The following KLHL5 variants were observed in gnomAD, a reference collection of about 807,000 sequenced individuals.
KLHL5 encodes the protein kelch-like protein 5.
A neutral mutation model predicts 77.7 loss-of-function variants in KLHL5; 48 were observed. The ratio of observed to expected loss-of-function variants is 0.62; its 90% CI spans 0.49 to 0.79. The LOEUF is 0.79. KLHL5 is among the 30% of genes least tolerant of loss of function. The pLI is 0.00. For missense variants in KLHL5, 723 were observed against 859.7 expected (o/e 0.84, Z 1.99); for synonymous variants, 260 against 297.0 (o/e 0.88, Z 1.28).
At chr4:39,072,282 CT>C (rs1718548755) in intron 1 of KLHL5, among the ~76,000 whole-genome samples, 1 of 152,098 alleles carries the variant, frequency 6.6e-6, no homozygotes, top group Admixed American at 6.5e-5. Flanking sequence ...TGCACTAGGG[CT>C]GTGCATGCAT....
intron 5 of KLHL5, among the ~76,000 whole-genome samples, chr4:39,092,202 A>C (rs1720647413): frequency 6.6e-6 from 1 of 152,126 alleles, no homozygotes; most frequent in African/African-American, 2.4e-5. Flanking sequence ...TTCACCAAAA[A>C]TGCAGAGTTC....
chr4:39,126,595 C>T (rs1025026154), downstream of KLHL5: 25 of 377,594 alleles, frequency 6.6e-5, no homozygotes, highest in African/African-American at 4.9e-4. Context: ...CAGGGAAGCT[C>T]GGGAAGCAAA....
At chr4:39,053,392 A>G (rs1716795427) in intron 1 of KLHL5, among the ~76,000 whole-genome samples, 1 of 152,172 alleles carries the variant, frequency 6.6e-6, no homozygotes, top group South Asian at 2.1e-4. Context: ...AATCTCCATC[A>G]CCATAAAGCT....
the KLHL5 span, among the ~76,000 whole-genome samples, chr4:39,139,594 C>A: frequency 2.0e-4 from 30 of 152,050 alleles, no homozygotes; most frequent in Non-Finnish European, 3.8e-4. Flanking sequence ...ATGTAGCACT[C>A]TGGCGGGGGA....
At chr4:39,106,907 A>T (rs1213270781) in intron 7 of KLHL5, among the ~76,000 whole-genome samples, 1 of 27,046 alleles carries the variant, frequency 3.7e-5, no homozygotes, top group African/African-American at 8.8e-5. Context: ...CTGGCTAATT[A>T]AAAAAAAAAA....
chr4:39,108,931 T>A (rs767859614), intron 8 of KLHL5, among the ~76,000 whole-genome samples: 3 of 152,190 alleles, frequency 2.0e-5, no homozygotes, highest in Non-Finnish European at 4.4e-5. Flanking sequence ...TAGCTTAGAT[T>A]TCTAGGCATA....
intron 6 of KLHL5, among the ~76,000 whole-genome samples, chr4:39,097,253 G>T (rs1210164854): frequency 1.3e-5 from 2 of 152,200 alleles, no homozygotes; most frequent in Admixed American, 6.5e-5. Context: ...GCCAACGAAT[G>T]AATATAGAAG....
At chr4:39,131,897 A>G in the KLHL5 span, among the ~76,000 whole-genome samples, 6 of 152,048 alleles carry the variant, frequency 3.9e-5, no homozygotes, top group Non-Finnish European at 7.4e-5. Flanking sequence ...CAAAAAAAAA[A>G]AAAAAAGAAA....
At chr4:39,108,599 G>A (rs763137409) in intron 8 of KLHL5, among the ~76,000 whole-genome samples, 17 of 152,050 alleles carry the variant, frequency 1.1e-4, no homozygotes, top group Non-Finnish European at 2.1e-4. Context: ...CATGTGATAA[G>A]ATGGATAAAT....
At chr4:39,052,703 T>C (rs1260257092) in intron 1 of KLHL5, among the ~76,000 whole-genome samples, 1 of 152,186 alleles carries the variant, frequency 6.6e-6, no homozygotes, top group Admixed American at 6.5e-5. Context: ...AATATTTGCC[T>C]TTCTTTGGGG....
chr4:39,098,833 G>T (rs1721303440), intron 6 of KLHL5, among the ~76,000 whole-genome samples: 1 of 151,826 alleles, frequency 6.6e-6, no homozygotes, highest in African/African-American at 2.4e-5. Context: ...CAAAGTGCTG[G>T]CATTACAGGC....
At chr4:39,112,896 T>C (rs1577739570) in intron 8 of KLHL5, 124 bp from the exon 9 acceptor site, 1 of 752,508 alleles carries the variant, frequency 1.3e-6, no homozygotes, top group Non-Finnish European at 2.2e-6. Context: ...GACACACACA[T>C]TGACAGTGTG....
Position 39,081,028 on chromosome 4 carries a change from A to T in KLHL5, c.567-75A>T. The T allele has an allele frequency of 7.0e-7, 1 of 1,435,234 alleles. No homozygotes were observed. Among genetic ancestry groups the T allele is most frequent in the Non-Finnish European group, 9.5e-7 (1 of 1,055,772 alleles). 88.9% of individuals were successfully genotyped at this position (1,435,234 alleles called of 1,614,324 possible). A position where few individuals can be genotyped will look rare whatever the true frequency, so the allele number is the denominator to read the frequency against. On this transcript the variant is annotated intron_variant, in intron 2 of 10. Coordinates refer to ENST00000504108, the MANE Select transcript of KLHL5 (RefSeq NM_015990.5). The surrounding 1 kb of genome is among the most constrained non-coding windows in gnomAD (Gnocchi z 4.3). Reference sequence around the variant, plus strand: ...ATGCACTGTGAGTAACAAATAAAAAAGAAGCAGCAGCATTTATTAATGAAC... The same window carrying T: ...ATGCACTGTGAGTAACAAATAAAAATGAAGCAGCAGCATTTATTAATGAAC...
Position 39,045,097 on chromosome 4 carries a change from G to A in KLHL5, c.-95+1G>A. The A allele has an allele frequency of 1.0e-6, 1 of 986,500 alleles. No homozygotes were observed. Among genetic ancestry groups the A allele is most frequent in the Non-Finnish European group, 1.2e-6 (1 of 830,838 alleles). 61.1% of individuals were successfully genotyped at this position (986,500 alleles called of 1,614,324 possible). A position where few individuals can be genotyped will look rare whatever the true frequency, so the allele number is the denominator to read the frequency against. ...ACGGCCGCCTCCGGAGCCCGACGCG[G>A]TAAGTGCGACTTCCTTCTCGGCATC... is the stretch of plus-strand genomic sequence containing the variant. On this transcript the variant is annotated splice_donor_variant, in intron 1 of 11. Coordinates refer to the KLHL5 transcript ENST00000261425. LOFTEE classifies it low-confidence loss of function (5UTR_SPLICE).
chr4:39,126,618 G>A (rs184267608), downstream of KLHL5: 77 of 409,072 alleles, frequency 1.9e-4, 1 homozygote, highest in African/African-American at 1.5e-3. Flanking sequence ...TAGTGCCCTG[G>A]ATCTTTGCCC....
intron 5 of KLHL5, among the ~76,000 whole-genome samples, chr4:39,089,763 C>T (rs1477531135): frequency 1.3e-5 from 2 of 152,152 alleles, no homozygotes; most frequent in African/African-American, 4.8e-5. Context: ...TAGGCCTCAC[C>T]CCACACCTAC....
chr4:39,106,069 A>G (rs1019073860), intron 7 of KLHL5, among the ~76,000 whole-genome samples: 1 of 152,134 alleles, frequency 6.6e-6, no homozygotes, highest in African/African-American at 2.4e-5. Flanking sequence ...AGTCCTTACA[A>G]GAGATAAGAT....
chr4:39,125,837 A>G lies in KLHL5; in HGVS notation c.*4771A>G, dbSNP rs1333272360. Among the ~76,000 whole-genome samples, 6 of 152,218 alleles carry G rather than the reference A, an allele frequency of 3.9e-5. No individual in the cohort carries two copies. The highest frequency in any genetic ancestry group is 3.9e-4 in the Admixed American group (6 of 15,280). On this transcript the variant is annotated 3_prime_UTR_variant, in exon 11 of 11. Transcript: ENST00000504108. ...GTAAATTTCACATACACTTTACCAT[A>G]ATTTTTAAAAAGCTTTATTAGCTAC...
rs558701394 is a variant in KLHL5, at chr4:39,125,389, G to T, written c.*4323G>T. ...CAGGTGTTCAAGCAAAAACTTTCAC[G>T]CAAATATTCATTGCAGCACTAGTCA... is the stretch of plus-strand genomic sequence containing the variant. On this transcript the variant is annotated 3_prime_UTR_variant, in exon 11 of 11. Transcript: ENST00000504108. 2.0e-5 allele frequency among the ~76,000 whole-genome samples: 3 copies of T among 152,202 alleles called. No homozygotes were observed. The highest frequency in any genetic ancestry group is 7.2e-5 in the African/African-American group (3 of 41,512).
Sources: gnomAD v4.1 joint callset for allele counts (sites outside exome capture counted in the v4.1 genomes callset) on GRCh38, gnomAD v4.1.1 for gene constraint, Gnocchi (gnomAD v3.1) non-coding constraint, MANE v1.5 for transcripts, NCBI Gene and HGNC (gene_info 2026-07-23, HGNC 2026-07-21) for gene names.